MAGI2: variants seen among roughly 807,000 people sequenced by gnomAD.
MAGI2 encodes the protein membrane associated guanylate kinase, WW and PDZ domain containing 2.
MAGI2 carries 35 observed loss-of-function variants against 133.3 expected under a neutral mutation model. That is an observed-to-expected ratio of 0.26 (90% CI 0.20 to 0.35). The LOEUF is 0.35. Among genes scored for constraint, MAGI2 ranks in the 10% least tolerant of loss-of-function variants. The probability of loss-of-function intolerance (pLI) is 1.00; values close to 1 mark genes in which losing one functional copy is unlikely to be tolerated. For missense variants in MAGI2, 1,636 were observed against 1,863.4 expected (o/e 0.88, Z 2.25); for synonymous variants, 729 against 710.6 (o/e 1.03, Z -0.41).
At chr7:79,214,896 A>C (rs1829893731) in intron 1 of MAGI2, among the ~76,000 whole-genome samples, 1 of 145,726 alleles carries the variant, frequency 6.9e-6, no homozygotes, top group Non-Finnish European at 1.5e-5. Context: ...AAAATTTATA[A>C]ATTTATAAAT....
chr7:79,427,102 TG>T (rs889902990), intron 1 of MAGI2, among the ~76,000 whole-genome samples: 1 of 152,200 alleles, frequency 6.6e-6, no homozygotes, highest in Non-Finnish European at 1.5e-5. Context: ...TGGCAGTTTT[TG>T]GACACAAACT....
At chr7:79,004,343 AACAAGCC>A (rs1185375835) in intron 2 of MAGI2, among the ~76,000 whole-genome samples, 19 of 152,320 alleles carry the variant, frequency 1.2e-4, no homozygotes, top group African/African-American at 3.8e-4. Context: ...TGTTAAATGA[AACAAGCC>A]AGGACCAGAA....
At chr7:78,731,889 C>T (rs552773921) in intron 2 of MAGI2, among the ~76,000 whole-genome samples, 2 of 152,258 alleles carry the variant, frequency 1.3e-5, no homozygotes, top group East Asian at 3.9e-4. Flanking sequence ...TGTACTCACA[C>T]AGTTGAATGT....
intron 1 of MAGI2, among the ~76,000 whole-genome samples, chr7:79,283,532 A>G (rs562043841): frequency 3.9e-4 from 60 of 152,228 alleles, no homozygotes; most frequent in African/African-American, 1.4e-3. Context: ...CACCAGCACC[A>G]GTAATGACTG....
intron 3 of MAGI2, among the ~76,000 whole-genome samples, chr7:78,573,265 T>TATATATATTTATATATATAA (rs1563188599): frequency 1.5e-3 from 33 of 21,398 alleles, no homozygotes; most frequent in African/African-American, 5.0e-3. Context: ...TAAATATAAA[T>TATATATATTTATATATATAA]ATATATAAAT....
intron 1 of MAGI2, among the ~76,000 whole-genome samples, chr7:79,256,452 A>T (rs1395454225): frequency 6.7e-6 from 1 of 148,316 alleles, no homozygotes; most frequent in African/African-American, 2.5e-5. Context: ...TAAATGCTCA[A>T]TTTCTTAAGT....
chr7:78,223,100 C>T (rs1433249565), intron 10 of MAGI2, among the ~76,000 whole-genome samples: 1 of 152,168 alleles, frequency 6.6e-6, no homozygotes, highest in Non-Finnish European at 1.5e-5. Context: ...GTGAACTGCT[C>T]CTGTCTCTGT....
chr7:78,295,976 G>A (rs996996571), intron 9 of MAGI2, among the ~76,000 whole-genome samples: 2 of 151,912 alleles, frequency 1.3e-5, no homozygotes, highest in Admixed American at 6.6e-5. Context: ...TCCTGTCATG[G>A]CTACCTCCAA....
chr7:78,511,192 A>G (rs1363423202), intron 4 of MAGI2, among the ~76,000 whole-genome samples: 1 of 152,186 alleles, frequency 6.6e-6, no homozygotes, highest in Non-Finnish European at 1.5e-5. Context: ...TGGACAAAAG[A>G]AAAATATGAT....
At chr7:79,334,585 A>G (rs149181712) in intron 1 of MAGI2, among the ~76,000 whole-genome samples, 2 of 152,202 alleles carry the variant, frequency 1.3e-5, no homozygotes, top group East Asian at 1.9e-4. Flanking sequence ...AACCATATCT[A>G]TGTATGCCCA....
intron 1 of MAGI2, among the ~76,000 whole-genome samples, chr7:79,133,603 A>T (rs1821128761): frequency 6.6e-6 from 1 of 152,140 alleles, no homozygotes; most frequent in Non-Finnish European, 1.5e-5. Context: ...TCTGCAAATC[A>T]TTGTCATTAG....
intron 9 of MAGI2, among the ~76,000 whole-genome samples, chr7:78,270,177 T>C (rs1272738500): frequency 6.6e-6 from 1 of 152,136 alleles, no homozygotes; most frequent in African/African-American, 2.4e-5. Context: ...AGCCTTGTAG[T>C]ATAGTTTGAA....
At chr7:78,425,990 G>A (rs1799241481) in intron 6 of MAGI2, among the ~76,000 whole-genome samples, 1 of 152,132 alleles carries the variant, frequency 6.6e-6, no homozygotes, top group Admixed American at 6.5e-5. Context: ...CTGTAGTTAA[G>A]AGAAAAATCA....
chr7:78,230,508 T>C (rs139307582), intron 10 of MAGI2, among the ~76,000 whole-genome samples: 2,444 of 152,338 alleles, frequency 0.016, 41 homozygotes, highest in East Asian at 0.047. Context: ...AACTTTCGTC[T>C]TACACATGTG....
intron 2 of MAGI2, among the ~76,000 whole-genome samples, chr7:78,796,022 A>G (rs1016518664): frequency 3.3e-5 from 5 of 152,194 alleles, no homozygotes; most frequent in Non-Finnish European, 5.9e-5. Flanking sequence ...ACCTGAAACT[A>G]TGAAATTACT....
chr7:78,667,748 C>T (rs1055792709), intron 2 of MAGI2, among the ~76,000 whole-genome samples: 79 of 152,078 alleles, frequency 5.2e-4, no homozygotes, highest in Non-Finnish European at 6.9e-4. Context: ...GCATAGTATT[C>T]CATGGTGTAT....
At chr7:78,294,957 T>C (rs1008827989) in intron 9 of MAGI2, among the ~76,000 whole-genome samples, 1 of 147,868 alleles carries the variant, frequency 6.8e-6, no homozygotes, top group Non-Finnish European at 1.5e-5. Context: ...TTTTCAGTTA[T>C]TCTAACTCAT....
chr7:78,062,541 T>C (rs539794418), intron 21 of MAGI2, among the ~76,000 whole-genome samples: 2 of 152,328 alleles, frequency 1.3e-5, no homozygotes, highest in African/African-American at 4.8e-5. Context: ...AAATTGCTTT[T>C]CTCTCTGGTT....
At chr7:78,750,702 A>C (rs538704891) in intron 2 of MAGI2, among the ~76,000 whole-genome samples, 1 of 152,282 alleles carries the variant, frequency 6.6e-6, no homozygotes, top group South Asian at 2.1e-4. Context: ...TGGGCTAGAG[A>C]AATCATAGGA....
Sources: allele counts gnomAD v4.1 joint callset (sites outside exome capture counted in the v4.1 genomes callset), GRCh38; gene constraint gnomAD v4.1.1; transcripts MANE v1.5; gene names NCBI Gene and HGNC (gene_info 2026-07-23, HGNC 2026-07-21).